PTPRZ1: variants seen among roughly 807,000 people sequenced by gnomAD.
PTPRZ1 encodes the protein receptor-type tyrosine-protein phosphatase zeta.
Under a neutral mutation model 214.1 loss-of-function variants are expected in PTPRZ1, and 82 were observed. The observed-to-expected ratio is 0.38, with a 90% CI of 0.32 to 0.46. The LOEUF (loss-of-function observed/expected upper bound fraction) is 0.46, where lower values mean the gene tolerates loss of function less well. Ranked by LOEUF, PTPRZ1 falls within the 20% of genes least tolerant of loss-of-function variation. The pLI is 1.00. For synonymous variants in PTPRZ1, 945 were observed against 987.9 expected (o/e 0.96, Z 0.81); for missense variants, 2,603 against 2,748.7 (o/e 0.95, Z 1.19).
intron 1 of PTPRZ1, among the ~76,000 whole-genome samples, chr7:121,922,875 TG>T (rs897547481): frequency 6.6e-6 from 1 of 152,210 alleles, no homozygotes; most frequent in African/African-American, 2.4e-5. Flanking sequence ...AAATATTTTT[TG>T]GATTATTTCA....
intron 1 of PTPRZ1, among the ~76,000 whole-genome samples, chr7:121,927,871 G>C (rs1453104321): frequency 6.6e-6 from 1 of 152,238 alleles, no homozygotes; most frequent in Non-Finnish European, 1.5e-5. Flanking sequence ...CCTCTTTGGG[G>C]CTGAACCCCT....
At chr7:121,893,045 A>G (rs550848348) in intron 1 of PTPRZ1, among the ~76,000 whole-genome samples, 1 of 152,218 alleles carries the variant, frequency 6.6e-6, no homozygotes, top group South Asian at 2.1e-4. Flanking sequence ...ATTTTTCTAC[A>G]TGCACATATA....
Position 121,938,180 on chromosome 7 carries a change from C to T in PTPRZ1, c.124+9959C>T, listed in dbSNP as rs79014170. Among the ~76,000 whole-genome samples the T allele has an allele frequency of 7.0e-3, 1,065 of 152,046 alleles. 14 individuals are homozygous for T. Among genetic ancestry groups the T allele is most frequent in the African/African-American group, 0.024 (1,007 of 41,496 alleles). ...GAAATCCTCTCCATAAATGTAATAA[C>T]AACAACAACAAAAAGCAGTTTTATT... On this transcript the variant is annotated intron_variant, in intron 2 of 29. Transcript: ENST00000393386.
intron 2 of PTPRZ1, among the ~76,000 whole-genome samples, chr7:121,958,088 C>A (rs1796767436): frequency 6.6e-6 from 1 of 152,182 alleles, no homozygotes; most frequent in South Asian, 2.1e-4. Context: ...ATCCTTGCGT[C>A]TGTCTCTGTG....
chr7:121,974,777 C>T (rs905973536), intron 4 of PTPRZ1, among the ~76,000 whole-genome samples: 1 of 152,142 alleles, frequency 6.6e-6, no homozygotes, highest in African/African-American at 2.4e-5. Flanking sequence ...CATCAGCCAC[C>T]ATGCCCAGTC....
At chr7:121,968,361 A>C (rs1012975760) in intron 3 of PTPRZ1, among the ~76,000 whole-genome samples, 1 of 152,198 alleles carries the variant, frequency 6.6e-6, no homozygotes, top group African/African-American at 2.4e-5. Flanking sequence ...CAAGGTAACA[A>C]TAATGATGCT....
intron 4 of PTPRZ1, among the ~76,000 whole-genome samples, chr7:121,973,758 A>G (rs1292393471): frequency 4.6e-5 from 7 of 152,032 alleles, no homozygotes; most frequent in Admixed American, 4.6e-4. Flanking sequence ...ACATGGTGAA[A>G]TGCCACCTCT....
At chr7:121,933,047 CT>C (rs1055586320) in intron 2 of PTPRZ1, among the ~76,000 whole-genome samples, 6 of 150,734 alleles carry the variant, frequency 4.0e-5, no homozygotes, top group African/African-American at 1.5e-4. Flanking sequence ...GAATCTGACT[CT>C]TTCTGTAACA....
At chr7:122,057,704 G>A (rs1584785519) in intron 27 of PTPRZ1, among the ~76,000 whole-genome samples, 1 of 130,870 alleles carries the variant, frequency 7.6e-6, no homozygotes, top group East Asian at 2.2e-4. Context: ...TAATCTATAT[G>A]AATGTATTGA....
In PTPRZ1 at chr7:122,011,713, G is replaced by C. The variant is rs754070075; in HGVS notation, c.2667G>C (p.Thr889=). Residue 889 remains threonine (T), a synonymous_variant, in exon 12 of 30, where the codon ACG becomes ACC. Transcript: ENST00000393386. ...VLSTTHAASE[T]LEFGSESGVL... The stretch of plus-strand genomic sequence containing the variant: ...CCACTACTCATGCTGCTTCAGAGAC[G>C]CTGGAATTTGGTAGTGAATCTGGTG... 4.3e-6 allele frequency: 7 copies of C among 1,614,004 alleles called. No individual in the cohort carries two copies. In the South Asian group the frequency reaches 6.6e-5, roughly 15 times the overall value.
chr7:121,921,911 A>G (rs1451279347), intron 1 of PTPRZ1, among the ~76,000 whole-genome samples: 1 of 152,178 alleles, frequency 6.6e-6, no homozygotes, highest in African/African-American at 2.4e-5. Flanking sequence ...ATAATTAGCT[A>G]AATTAGGTTT....
In PTPRZ1 at chr7:121,928,140, T is replaced by C. The variant is rs868437086; in HGVS notation, c.59-16T>C. ...ATTTTTCTACATACTGATTACTTGG[T>C]TTTTCTTTTTTATAGATTGGGCTAA... On this transcript the variant is annotated splice_polypyrimidine_tract_variant and intron_variant, in intron 1 of 29. Transcript: ENST00000393386. The C allele has an allele frequency of 2.5e-6, 4 of 1,593,440 alleles. No homozygotes were observed. The Middle Eastern group carries it at 5.0e-4, about 200-fold the overall frequency.
In PTPRZ1 at chr7:122,010,370, A is replaced by C; in HGVS notation, c.1324A>C (p.Ile442Leu). Residue 442 changes from isoleucine (I) to leucine (L), a missense_variant, in exon 12 of 30, where the codon ATT (isoleucine) becomes CTT (leucine). Ile to Leu is a conservative substitution (Grantham distance 5). Transcript: ENST00000393386. ...EEGKDIEEGA[I>L]VNPGRDSATN... ...GGGAAAAGACATTGAAGAAGGCGCTATTGTGAATCCTGGTAGAGACAGTGC... is the reference window on the plus strand; with the variant it reads ...GGGAAAAGACATTGAAGAAGGCGCTCTTGTGAATCCTGGTAGAGACAGTGC... 6.2e-7 allele frequency: 1 copy of C among 1,612,794 alleles called. No individual in the cohort carries two copies. The highest frequency in any genetic ancestry group is 1.1e-5 in the South Asian group (1 of 90,774).
chr7:121,951,863 T>C (rs1216496502), intron 2 of PTPRZ1, among the ~76,000 whole-genome samples: 2 of 152,208 alleles, frequency 1.3e-5, no homozygotes, highest in Non-Finnish European at 2.9e-5. Flanking sequence ...TACTTAAATA[T>C]ACTGTTACTG....
chr7:122,005,591 A>G (rs1798461467), intron 11 of PTPRZ1, among the ~76,000 whole-genome samples: 2 of 151,994 alleles, frequency 1.3e-5, no homozygotes. Context: ...TTCAGCTAAG[A>G]ATAACTTTAT....
At position 122,012,718 on chromosome 7, in the gene PTPRZ1, CATT is replaced by C. The variant is rs1340676142; in HGVS notation, c.3673_3675del (p.Ile1225del). The stretch of plus-strand genomic sequence containing the variant: ...AAATTAGTTCTACAATGTTGCATCT[CATT>C]GTATCAAATTCTGCTTCAAGTGAAA... On this transcript the variant is annotated inframe_deletion, in exon 12 of 30. Transcript: ENST00000393386. The C allele has an allele frequency of 6.2e-7, 1 of 1,608,492 alleles. No individual in the cohort carries two copies. The highest frequency in any genetic ancestry group is 8.5e-7 in the Non-Finnish European group (1 of 1,174,978).
chr7:122,010,471 T>C lies in PTPRZ1; in HGVS notation c.1425T>C (p.Asn475=). The C allele has an allele frequency of 1.9e-6, 3 of 1,614,004 alleles. No individual in the cohort carries two copies. The highest frequency in any genetic ancestry group is 2.2e-5 in the East Asian group (1 of 44,860). ...ACAATCGCATAGGGACGAAATACAA[T>C]GAAGCCAAGACTAACCGATCCCCAA... The part of the protein sequence containing the change: ...THYNRIGTKY[N]EAKTNRSPTR... The change falls in exon 12 of 30, where the codon AAT becomes AAC. Residue 475 remains asparagine, a synonymous_variant. Coordinates refer to ENST00000393386, the MANE Select transcript of PTPRZ1 (RefSeq NM_002851.3).
chr7:121,915,804 G>C (rs920374402), intron 1 of PTPRZ1, among the ~76,000 whole-genome samples: 1 of 152,048 alleles, frequency 6.6e-6, no homozygotes, highest in African/African-American at 2.4e-5. Flanking sequence ...ATCTATTAAG[G>C]AAAACAGGTT....
At chr7:122,007,467 T>C (rs2116644323) in intron 11 of PTPRZ1, among the ~76,000 whole-genome samples, 1 of 152,228 alleles carries the variant, frequency 6.6e-6, no homozygotes, top group East Asian at 1.9e-4. Flanking sequence ...TAATATATTG[T>C]CAAATCGAAA....
Sources: gnomAD v4.1 joint callset for allele counts (sites outside exome capture counted in the v4.1 genomes callset) on GRCh38, gnomAD v4.1.1 for gene constraint, MANE v1.5 for transcripts, NCBI Gene and HGNC (gene_info 2026-07-23, HGNC 2026-07-21) for gene names.